BTBD9: variants seen among roughly 807,000 people sequenced by gnomAD.
BTBD9 encodes BTB/POZ domain-containing protein 9.
In BTBD9, 49 loss-of-function variants were observed where a neutral mutation model predicts 64.3. The ratio of observed to expected loss-of-function variants is 0.76; its 90% CI spans 0.61 to 0.97. BTBD9 has a LOEUF of 0.97. Among genes scored for constraint, BTBD9 ranks in the 50% least tolerant of loss-of-function variants. BTBD9 has a pLI of 0.00. For synonymous variants in BTBD9, 260 were observed against 274.7 expected (o/e 0.95, Z 0.53); for missense variants, 598 against 762.1 (o/e 0.78, Z 2.53).
At chr6:38,359,294 C>T (rs1764859776) in intron 6 of BTBD9, among the ~76,000 whole-genome samples, 1 of 152,194 alleles carries the variant, frequency 6.6e-6, no homozygotes. Context: ...AAATTCTACA[C>T]AGCACCTTCC....
chr6:38,537,711 C>T (rs1774082199), intron 6 of BTBD9, among the ~76,000 whole-genome samples: 1 of 152,084 alleles, frequency 6.6e-6, no homozygotes, highest in African/African-American at 2.4e-5. Flanking sequence ...AAAACTTGTC[C>T]TCCCTTCTTC....
At chr6:38,615,994 G>A (rs1465084386) in intron 1 of BTBD9, among the ~76,000 whole-genome samples, 1 of 152,152 alleles carries the variant, frequency 6.6e-6, no homozygotes, top group African/African-American at 2.4e-5. Flanking sequence ...GGCAGGACCT[G>A]GAAATATGAT....
intron 6 of BTBD9, among the ~76,000 whole-genome samples, chr6:38,574,855 C>A (rs976898129): frequency 6.6e-6 from 1 of 151,794 alleles, no homozygotes; most frequent in Non-Finnish European, 1.5e-5. Context: ...AACTCCACAG[C>A]CCACTGTTTT....
At chr6:38,333,145 T>A (rs1016011218) in intron 7 of BTBD9, among the ~76,000 whole-genome samples, 1 of 152,232 alleles carries the variant, frequency 6.6e-6, no homozygotes, top group Non-Finnish European at 1.5e-5. Context: ...CAGATGCAGA[T>A]GCTGGCCATG....
chr6:38,276,193 T>C (rs1761234662), intron 8 of BTBD9, among the ~76,000 whole-genome samples: 1 of 152,188 alleles, frequency 6.6e-6, no homozygotes, highest in Admixed American at 6.5e-5. Flanking sequence ...GTTCATGTCC[T>C]TTGTAGGGAC....
At chr6:38,190,498 C>T (rs1326411404) in intron 10 of BTBD9, among the ~76,000 whole-genome samples, 1 of 146,162 alleles carries the variant, frequency 6.8e-6, no homozygotes, top group African/African-American at 2.5e-5. Flanking sequence ...AAAGATGTTT[C>T]CCAGTTGACA....
chr6:38,278,187 A>T (rs1761356826), intron 8 of BTBD9, among the ~76,000 whole-genome samples: 1 of 152,238 alleles, frequency 6.6e-6, no homozygotes, highest in Non-Finnish European at 1.5e-5. Flanking sequence ...TCTCTGGGGC[A>T]AAATACACAT....
chr6:38,427,437 T>C (rs539935510), intron 6 of BTBD9, among the ~76,000 whole-genome samples: 4 of 152,038 alleles, frequency 2.6e-5, no homozygotes, highest in South Asian at 4.1e-4. Flanking sequence ...GCTCCCCAAA[T>C]GATTCCAGTG....
Position 38,318,272 on chromosome 6 carries a change from T to C in BTBD9, c.1264+26712A>G, listed in dbSNP as rs539646293. On this transcript the variant is annotated intron_variant, in intron 7 of 10. Transcript: ENST00000481247. ...CAGGATTGGCCCCTGTTGCCTTATT[T>C]AATTCGTCTGGTGAGGTTGTTTTCC... Among the ~76,000 whole-genome samples the C allele has an allele frequency of 1.3e-4, 20 of 152,336 alleles. No homozygotes were observed. The East Asian group carries it at 3.7e-3, about 28-fold the overall frequency.
At chr6:38,628,038 G>A (rs554835478) in intron 1 of BTBD9, among the ~76,000 whole-genome samples, 4 of 152,120 alleles carry the variant, frequency 2.6e-5, no homozygotes, top group South Asian at 2.1e-4. Context: ...TGAGGCATGC[G>A]CAAAAAGGGT....
intron 6 of BTBD9, among the ~76,000 whole-genome samples, chr6:38,527,298 A>AAAAAAG (rs1773554130): frequency 8.5e-6 from 1 of 118,082 alleles, no homozygotes; most frequent in Admixed American, 8.7e-5. Context: ...AAAAAAAAAG[A>AAAAAAG]TGTGATTTGG....
rs892461741 is a variant in BTBD9 at position 38,311,304 on chromosome 6, T to C, written c.1265-22843A>G. On this transcript the variant is annotated intron_variant, in intron 7 of 10. Coordinates refer to ENST00000481247, the MANE Select transcript of BTBD9 (RefSeq NM_001099272.2). The stretch of plus-strand genomic sequence containing the variant: ...CATTCTACTCTCTATCTCCATGAGT[T>C]CAATTGTTTTCATTTTTAGCTCCCA... 3.3e-5 allele frequency among the ~76,000 whole-genome samples: 5 copies of C among 152,180 alleles called. No individual in the cohort carries two copies. The East Asian group carries it at 9.7e-4, about 29-fold the overall frequency.
chr6:38,234,553 A>G (rs867087904), intron 9 of BTBD9, among the ~76,000 whole-genome samples: 4 of 152,372 alleles, frequency 2.6e-5, no homozygotes, highest in Admixed American at 2.6e-4. Flanking sequence ...TTAGAAGTAA[A>G]TCCATTATAT....
rs76484902 is a variant in BTBD9, at chr6:38,577,536, C to T, written c.1154+64G>A. On this transcript the variant is annotated intron_variant, in intron 6 of 10. Transcript: ENST00000481247. ...TTTCAAGATGAAAAATGCAGTTCTG[C>T]TTCTCCAAGTCCAAATCTCCTTATA... 1.5e-4 allele frequency: 221 copies of T among 1,493,714 alleles called. No homozygotes were observed. In the African/African-American group the frequency reaches 2.7e-3, roughly 18 times the overall value. The allele number at this position is 1,493,714 out of a possible 1,614,324, so 92.5% of individuals were successfully genotyped here.
Position 38,240,638 on chromosome 6 carries a change from TCTC to T in BTBD9, c.1562+15768_1562+15770del, listed in dbSNP as rs1364205382. Reference sequence around the variant, plus strand: ...AATTGTGCCCTGTGTTCCCTTCTCATCTCCTCAGAAATTCATAAAGTTAATTAA... The same window carrying T: ...AATTGTGCCCTGTGTTCCCTTCTCATCTCAGAAATTCATAAAGTTAATTAA... On this transcript the variant is annotated intron_variant, in intron 9 of 10. Transcript: ENST00000481247. Among the ~76,000 whole-genome samples the T allele has an allele frequency of 2.0e-5, 3 of 152,100 alleles. No individual in the cohort carries two copies. In the East Asian group the frequency reaches 5.8e-4, roughly 29 times the overall value.
chr6:38,571,974 T>TCACA (rs3047794), intron 6 of BTBD9, among the ~76,000 whole-genome samples: 29,564 of 147,988 alleles, frequency 0.2, 3,227 homozygotes, highest in Non-Finnish European at 0.27. Flanking sequence ...AAAGAAACAA[T>TCACA]CACACACACA....
intron 7 of BTBD9, among the ~76,000 whole-genome samples, chr6:38,321,197 T>A (rs917242781): frequency 6.6e-6 from 1 of 152,034 alleles, no homozygotes; most frequent in East Asian, 1.9e-4. Flanking sequence ...AATAAGCAAA[T>A]CACAACATAT....
At chr6:38,418,151 T>G (rs1383746914) in intron 6 of BTBD9, among the ~76,000 whole-genome samples, 3 of 152,162 alleles carry the variant, frequency 2.0e-5, no homozygotes, top group Non-Finnish European at 4.4e-5. Flanking sequence ...ATATAAAGGA[T>G]CTTGATGAAA....
At chr6:38,285,842 CA>C (rs955977357) in intron 8 of BTBD9, among the ~76,000 whole-genome samples, 1 of 152,096 alleles carries the variant, frequency 6.6e-6, no homozygotes, top group African/African-American at 2.4e-5. Context: ...TGGAGGCTAT[CA>C]GGGGTGCCAG....
Sources: allele counts gnomAD v4.1 joint callset (sites outside exome capture counted in the v4.1 genomes callset), GRCh38; gene constraint gnomAD v4.1.1; transcripts MANE v1.5; gene names NCBI Gene and HGNC (gene_info 2026-07-23, HGNC 2026-07-21).